The following TRPM3 variants were observed in gnomAD, a reference collection of about 807,000 sequenced individuals.
The protein encoded by TRPM3 is transient receptor potential cation channel subfamily M member 3.
A neutral mutation model predicts 181.2 loss-of-function variants in TRPM3; 77 were observed. The ratio of observed to expected loss-of-function variants is 0.42; its 90% CI spans 0.35 to 0.51. The LOEUF is 0.51. TRPM3 is among the 20% of genes least tolerant of loss of function. TRPM3 has a pLI of 0.01. For synonymous variants in TRPM3, 745 were observed against 796.4 expected (o/e 0.94, Z 1.09); for missense variants, 1,759 against 2,196.7 (o/e 0.80, Z 3.98).
At chr9:71,155,795 A>G (rs1176277629) in intron 1 of TRPM3, among the ~76,000 whole-genome samples, 1 of 152,166 alleles carries the variant, frequency 6.6e-6, no homozygotes, top group Non-Finnish European at 1.5e-5. Context: ...TGTTTTACAG[A>G]AAGATTGTAA....
intron 1 of TRPM3, among the ~76,000 whole-genome samples, chr9:71,291,677 A>G (rs1237478863): frequency 6.6e-6 from 1 of 152,142 alleles, no homozygotes; most frequent in Admixed American, 6.6e-5. Context: ...ATGACCCTAC[A>G]AAAGAAAAAA....
chr9:70,535,157 C>T lies in TRPM3; in HGVS notation c.*796G>A, dbSNP rs1034268046. The T allele has an allele frequency of 5.2e-5, 19 of 366,104 alleles. No individual in the cohort carries two copies. The highest frequency in any genetic ancestry group is 8.4e-5 in the Admixed American group (2 of 23,708). The allele number at this position is 366,104 out of a possible 1,614,324, so 22.7% of individuals were successfully genotyped here. On this transcript the variant is annotated 3_prime_UTR_variant, in exon 26 of 26. Coordinates refer to ENST00000677713, the MANE Select transcript of TRPM3 (RefSeq NM_001366145.2). Reference sequence around the variant, plus strand: ...TTAATTACATTCTCCTGAGCTTGCTCGACTAGACTTGAACGCCCACTGTAT... The same window carrying T: ...TTAATTACATTCTCCTGAGCTTGCTTGACTAGACTTGAACGCCCACTGTAT...
intron 1 of TRPM3, among the ~76,000 whole-genome samples, chr9:71,183,776 C>T (rs1345664818): frequency 6.6e-6 from 1 of 152,038 alleles, no homozygotes; most frequent in Non-Finnish European, 1.5e-5. Context: ...TCATTTTCTT[C>T]AATTCTTTAA....
intron 22 of TRPM3, among the ~76,000 whole-genome samples, chr9:70,564,968 C>T (rs2050167803): frequency 6.6e-6 from 1 of 152,208 alleles, no homozygotes; most frequent in Non-Finnish European, 1.5e-5. Context: ...ACTAATTCCT[C>T]TCTGTGCCCT....
intron 6 of TRPM3, among the ~76,000 whole-genome samples, chr9:70,801,406 A>G (rs1007015940): frequency 6.6e-6 from 1 of 152,218 alleles, no homozygotes; most frequent in Non-Finnish European, 1.5e-5. Flanking sequence ...CTCTAGCTAC[A>G]TGGAAATGAA....
chr9:70,781,771 T>C (rs982651320), intron 7 of TRPM3, among the ~76,000 whole-genome samples: 6 of 152,084 alleles, frequency 3.9e-5, no homozygotes, highest in Admixed American at 3.3e-4. Flanking sequence ...TCCCACCCAG[T>C]TCTAAAATAC....
At chr9:71,361,621 A>G (rs1023301178) in intron 1 of TRPM3, among the ~76,000 whole-genome samples, 1 of 152,186 alleles carries the variant, frequency 6.6e-6, no homozygotes, top group Non-Finnish European at 1.5e-5. Flanking sequence ...GTTCATATGC[A>G]AGCTCTCCTT....
At chr9:70,573,855 G>T (rs1015577482) in intron 22 of TRPM3, among the ~76,000 whole-genome samples, 1 of 151,992 alleles carries the variant, frequency 6.6e-6, no homozygotes, top group South Asian at 2.1e-4. Context: ...CTGGAAGCCA[G>T]CACTTTAGGG....
chr9:70,547,889 A>G (rs1441374911), intron 25 of TRPM3, among the ~76,000 whole-genome samples: 1 of 152,192 alleles, frequency 6.6e-6, no homozygotes, highest in African/African-American at 2.4e-5. Flanking sequence ...AAGTGGATGT[A>G]CTATAGTTTC....
intron 1 of TRPM3, among the ~76,000 whole-genome samples, chr9:71,296,160 A>G (rs985814171): frequency 6.6e-6 from 1 of 152,178 alleles, no homozygotes; most frequent in Non-Finnish European, 1.5e-5. Context: ...TTAATCTTCA[A>G]AACAAACTGG....
intron 1 of TRPM3, among the ~76,000 whole-genome samples, chr9:70,931,935 G>A (rs1381546580): frequency 1.3e-5 from 2 of 152,126 alleles, no homozygotes; most frequent in East Asian, 3.9e-4. Context: ...TTTTCTCTTG[G>A]CTGTTCAAAA....
At chr9:70,775,087 A>T (rs2081093774) in intron 7 of TRPM3, 1 of 152,208 alleles carries the variant, frequency 6.6e-6, no homozygotes, top group Non-Finnish European at 1.5e-5. Flanking sequence ...AACATTATTT[A>T]TTATTAATAA....
At chr9:71,227,197 G>T (rs1431344541) in intron 1 of TRPM3, among the ~76,000 whole-genome samples, 3 of 145,590 alleles carry the variant, frequency 2.1e-5, no homozygotes, top group East Asian at 2.0e-4. Flanking sequence ...ATAACAAGAA[G>T]AATTTTGGAA....
chr9:71,299,278 C>G (rs2086566040), intron 1 of TRPM3, among the ~76,000 whole-genome samples: 2 of 152,118 alleles, frequency 1.3e-5, no homozygotes, highest in Admixed American at 1.3e-4. Flanking sequence ...TTGAGATGAA[C>G]AAAATCATGT....
chr9:71,368,676 T>C lies in TRPM3; in HGVS notation c.183+77977A>G, dbSNP rs142633250. ...GCTTTAATGATTTACTAGTCTGAAA[T>C]GTTTGCTTTAACACTTAAGTTTAGG... On this transcript the variant is annotated intron_variant, in intron 1 of 24. Transcript: ENST00000357533. 6.0e-3 allele frequency among the ~76,000 whole-genome samples: 907 copies of C among 152,354 alleles called. 14 individuals are homozygous for C. Among genetic ancestry groups the C allele is most frequent in the African/African-American group, 0.021 (875 of 41,580 alleles).
At chr9:70,629,905 A>C (rs1443271986) in intron 12 of TRPM3, among the ~76,000 whole-genome samples, 1 of 152,202 alleles carries the variant, frequency 6.6e-6, no homozygotes, top group Non-Finnish European at 1.5e-5. Flanking sequence ...CGGGAGGAAG[A>C]AATCGGTTTT....
At chr9:71,063,411 A>ACTGT (rs1277802412) in intron 1 of TRPM3, among the ~76,000 whole-genome samples, 3 of 152,128 alleles carry the variant, frequency 2.0e-5, no homozygotes, top group African/African-American at 7.2e-5. Flanking sequence ...ATGTTTAGAA[A>ACTGT]CTGTCAGGCC....
At chr9:71,156,124 C>A (rs1439669651) in intron 1 of TRPM3, among the ~76,000 whole-genome samples, 1 of 152,014 alleles carries the variant, frequency 6.6e-6, no homozygotes, top group Middle Eastern at 3.2e-3. Flanking sequence ...AGCAGTCACA[C>A]TCTGTTGGGG....
At chr9:70,593,641 A>G (rs2058501724) in intron 21 of TRPM3, among the ~76,000 whole-genome samples, 1 of 152,136 alleles carries the variant, frequency 6.6e-6, no homozygotes, top group Non-Finnish European at 1.5e-5. Flanking sequence ...TTAGCTTCAT[A>G]TATTTCAAAG....
Sources: gnomAD v4.1 joint callset for allele counts (sites outside exome capture counted in the v4.1 genomes callset) on GRCh38, gnomAD v4.1.1 for gene constraint, MANE v1.5 for transcripts, NCBI Gene and HGNC (gene_info 2026-07-23, HGNC 2026-07-21) for gene names.